The following BPTF variants were observed in gnomAD, a reference collection of about 807,000 sequenced individuals.
BPTF encodes the protein bromodomain PHD finger transcription factor.
In BPTF, 18 loss-of-function variants were observed where a neutral mutation model predicts 292.5. The observed-to-expected ratio is 0.06, with a 90% CI of 0.04 to 0.09. The LOEUF is 0.09. BPTF is among the 10% of genes least tolerant of loss of function. BPTF has a pLI of 1.00. For synonymous variants in BPTF, 1,225 were observed against 1,251.9 expected (o/e 0.98, Z 0.45); for missense variants, 2,726 against 3,498.7 (o/e 0.78, Z 5.57).
intron 11 of BPTF, among the ~76,000 whole-genome samples, chr17:67,916,661 G>A (rs1344123535): frequency 6.6e-6 from 1 of 151,770 alleles, no homozygotes; most frequent in Non-Finnish European, 1.5e-5. Flanking sequence ...GGCTACTCGG[G>A]AGGCTGAGGC....
rs149922760 is a variant in BPTF at position 67,854,265 on chromosome 17, C to T, written c.939C>T (p.Ser313=). 31 of 1,614,038 alleles carry T rather than the reference C, an allele frequency of 1.9e-5. No individual in the cohort carries two copies. The highest frequency in any genetic ancestry group is 2.5e-5 in the Non-Finnish European group (30 of 1,180,038). The change falls in exon 2 of 28, where the codon AGC becomes AGT. Residue 313 remains serine (S), a synonymous_variant. Coordinates refer to ENST00000306378, the MANE Select transcript of BPTF (RefSeq NM_182641.4). This position sits in a 1 kb window ranked among gnomAD's most constrained non-coding sequence, Gnocchi z 5.6. The part of the protein sequence containing the change: ...TTFGPADLKD[S]VNSTLYFIDG... ...TTGGACCTGCTGATCTGAAAGATAG[C>T]GTTAATTCCACACTGTATTTCATAG...
chr17:67,938,553 G>A (rs745327688), intron 18 of BPTF, among the ~76,000 whole-genome samples: 2 of 152,176 alleles, frequency 1.3e-5, no homozygotes, highest in Non-Finnish European at 2.9e-5. Context: ...ATTATATGTG[G>A]GAATTGGCTG....
chr17:67,934,832 A>G (rs562438663), intron 18 of BPTF, among the ~76,000 whole-genome samples: 3 of 139,824 alleles, frequency 2.1e-5, no homozygotes, highest in African/African-American at 8.2e-5. Context: ...AGATGGTGCC[A>G]TCGCACTCCA....
intron 1 of BPTF, among the ~76,000 whole-genome samples, chr17:67,842,817 C>CAAAAAA (rs60085248): frequency 1.3e-4 from 6 of 47,798 alleles, no homozygotes; most frequent in Admixed American, 4.9e-4. Flanking sequence ...CAATTAAGGC[C>CAAAAAA]AAAAAAAAAA....
At chr17:67,963,772 G>T (rs2067738324) in intron 24 of BPTF, among the ~76,000 whole-genome samples, 1 of 152,172 alleles carries the variant, frequency 6.6e-6, no homozygotes, top group Admixed American at 6.5e-5. Context: ...AGAAATTAAT[G>T]AGATTAAAAT....
chr17:67,857,231 G>A (rs2058749477), intron 2 of BPTF, among the ~76,000 whole-genome samples: 1 of 139,758 alleles, frequency 7.2e-6, no homozygotes, highest in African/African-American at 2.6e-5. Context: ...GCGTGATCTC[G>A]GCTTACTGCA....
At chr17:67,898,899 G>A (rs1253001818) in intron 7 of BPTF, among the ~76,000 whole-genome samples, 1 of 137,136 alleles carries the variant, frequency 7.3e-6, no homozygotes, top group African/African-American at 2.7e-5. Flanking sequence ...TCCAGCATGG[G>A]CAACAGAGTG....
At chr17:67,827,152 A>G (rs1358081697) in intron 1 of BPTF, among the ~76,000 whole-genome samples, 4 of 152,248 alleles carry the variant, frequency 2.6e-5, no homozygotes, top group Admixed American at 6.5e-5. Context: ...TGCTTGGGAA[A>G]TGCAGTTTCG....
rs148495574 is a variant in BPTF at position 67,854,319 on chromosome 17, G to A, written c.993G>A (p.Arg331=). 34 of 1,614,196 alleles carry A rather than the reference G, an allele frequency of 2.1e-5. No homozygotes were observed. Among genetic ancestry groups the A allele is most frequent in the Non-Finnish European group, 2.5e-5 (30 of 1,180,034 alleles). Residue 331 remains arginine (R), a synonymous_variant, in exon 2 of 28, where the codon CGG becomes CGA. Transcript: ENST00000306378. This position sits in a 1 kb window ranked among gnomAD's most constrained non-coding sequence, Gnocchi z 5.6. ...IDGMTWPEVL[R]VYCESDKEYH... ...GGATGACGTGGCCAGAGGTGCTGCGGGTGTACTGTGAGAGTGATAAGGAGT... is the reference window on the plus strand; with the variant it reads ...GGATGACGTGGCCAGAGGTGCTGCGAGTGTACTGTGAGAGTGATAAGGAGT...
Position 67,983,107 on chromosome 17 carries a change from A to G in BPTF, c.*819A>G, listed in dbSNP as rs570275578. 8 of 152,682 alleles carry G rather than the reference A, an allele frequency of 5.2e-5. No homozygotes were observed. In the East Asian group the frequency reaches 9.6e-4, roughly 18 times the overall value. The allele number at this position is 152,682 out of a possible 1,614,324, so 9.5% of individuals were successfully genotyped here. On this transcript the variant is annotated 3_prime_UTR_variant, in exon 28 of 28. Coordinates refer to ENST00000306378, the MANE Select transcript of BPTF (RefSeq NM_182641.4). ...TTTTCTTTTGTATTAAAATTCAACT[A>G]TGGATGTATATGAAACAAAATAAAT...
intron 4 of BPTF, among the ~76,000 whole-genome samples, chr17:67,887,164 C>G (rs1221333582): frequency 3.3e-5 from 5 of 152,148 alleles, no homozygotes; most frequent in Non-Finnish European, 5.9e-5. Flanking sequence ...ACATTTTTGC[C>G]AATGGTGAAA....
chr17:67,898,124 C>T (rs1276772597), intron 7 of BPTF, among the ~76,000 whole-genome samples: 1 of 152,202 alleles, frequency 6.6e-6, no homozygotes, highest in East Asian at 1.9e-4. Context: ...AATCCCAGCA[C>T]TTTGGAAGGC....
At chr17:67,888,297 A>G (rs1410367381) in intron 4 of BPTF, among the ~76,000 whole-genome samples, 1 of 152,116 alleles carries the variant, frequency 6.6e-6, no homozygotes, top group Non-Finnish European at 1.5e-5. Context: ...TATTAATTTC[A>G]GTAGATCTGG....
At chr17:67,895,946 C>T (rs1003922345) in intron 7 of BPTF, among the ~76,000 whole-genome samples, 1 of 150,284 alleles carries the variant, frequency 6.7e-6, no homozygotes, top group African/African-American at 2.5e-5. Context: ...GGAAACAATT[C>T]CTAAGTACTC....
chr17:67,872,839 G>A lies in BPTF; in HGVS notation c.1661-1978G>A, dbSNP rs139609750. 2.4e-3 allele frequency among the ~76,000 whole-genome samples: 367 copies of A among 152,336 alleles called. 1 individual carries two copies. Among genetic ancestry groups the A allele is most frequent in the Non-Finnish European group, 2.4e-3 (163 of 68,018 alleles). On this transcript the variant is annotated intron_variant, in intron 3 of 27. Coordinates refer to ENST00000306378, the MANE Select transcript of BPTF (RefSeq NM_182641.4). The stretch of plus-strand genomic sequence containing the variant: ...TAAGGGCTGGGCACTGCTAACGCCT[G>A]TAACCCCAGTGCTTTGGTAGGCCAA...
intron 23 of BPTF, among the ~76,000 whole-genome samples, chr17:67,948,736 C>T (rs1317874754): frequency 6.6e-6 from 1 of 152,226 alleles, no homozygotes; most frequent in East Asian, 1.9e-4. Flanking sequence ...TCCTATACTT[C>T]CAGCAGTTGG....
At chr17:67,920,723 T>C (rs2063375990) in intron 13 of BPTF, among the ~76,000 whole-genome samples, 1 of 152,172 alleles carries the variant, frequency 6.6e-6, no homozygotes, top group Non-Finnish European at 1.5e-5. Context: ...TGCAGTAAGC[T>C]AAGAGAGTAA....
Position 67,929,432 on chromosome 17 carries a change from C to T in BPTF, c.6095C>T (p.Thr2032Ile). Residue 2032 changes from threonine (T) to isoleucine (I), a missense_variant, in exon 17 of 28, where the codon ACA becomes ATA. Physicochemically the swap from Thr to Ile is moderately conservative, Grantham distance 89. Coordinates refer to ENST00000306378, the MANE Select transcript of BPTF (RefSeq NM_182641.4). Reference protein sequence around the residue: ...TFTSFQPRTATVTIRPNTSGS... With the variant: ...TFTSFQPRTAIVTIRPNTSGS... ...ACTTCATTCCAGCCCAGGACAGCAA[C>T]AGTCACAATTAGGCCCAATACCTCA... 1 of 1,614,152 alleles carries T rather than the reference C, an allele frequency of 6.2e-7. No homozygotes were observed. The highest frequency in any genetic ancestry group is 8.5e-7 in the Non-Finnish European group (1 of 1,180,026).
rs60083535 is a variant in BPTF, at chr17:67,925,992, C to CTTTTT, written c.5751+1429_5751+1433dup. ...CTCTGCAATGTAACCTAACATATTA[C>CTTTTT]TTTTTTTTTTTTTTTTTTTTTTTTT... is the stretch of plus-strand genomic sequence containing the variant. On this transcript the variant is annotated intron_variant, in intron 15 of 27. Transcript: ENST00000306378. 1.8e-3 allele frequency among the ~76,000 whole-genome samples: 100 copies of CTTTTT among 56,658 alleles called. 15 individuals are homozygous for CTTTTT. The highest frequency in any genetic ancestry group is 2.6e-3 in the East Asian group (3 of 1,148). The allele number at this position is 56,658 out of a possible 152,430, so 37.2% of individuals were successfully genotyped here.
Sources: allele counts gnomAD v4.1 joint callset (sites outside exome capture counted in the v4.1 genomes callset), GRCh38; gene constraint gnomAD v4.1.1; non-coding constraint Gnocchi (gnomAD v3.1); transcripts MANE v1.5; gene names NCBI Gene and HGNC (gene_info 2026-07-23, HGNC 2026-07-21).